KIFAP3: variants seen among roughly 807,000 people sequenced by gnomAD.
KIFAP3 encodes kinesin-associated protein 3.
A neutral mutation model predicts 106.5 loss-of-function variants in KIFAP3; 68 were observed. The observed-to-expected ratio is 0.64, with a 90% CI of 0.53 to 0.78. KIFAP3 has a LOEUF of 0.78. KIFAP3 is among the 30% of genes least tolerant of loss of function. KIFAP3 has a pLI of 0.00. For synonymous variants in KIFAP3, 320 were observed against 311.5 expected, an observed-to-expected ratio of 1.03 and a Z score of -0.29; for missense variants, 780 against 941.8, an observed-to-expected ratio of 0.83 and a Z score of 2.25.
intron 19 of KIFAP3, among the ~76,000 whole-genome samples, chr1:169,928,699 CA>C (rs10690029): frequency 3.4e-4 from 13 of 37,778 alleles, no homozygotes; most frequent in East Asian, 1.8e-3. Flanking sequence ...ACCCTGTCTC[CA>C]AAAAAAAAAA....
chr1:170,044,817 G>T (rs548141834), intron 3 of KIFAP3, among the ~76,000 whole-genome samples: 110 of 152,270 alleles, frequency 7.2e-4, no homozygotes, highest in African/African-American at 2.6e-3. Context: ...CCTGGTTTAT[G>T]AATGGCAATT....
At chr1:169,982,660 A>C (rs1290190408) in intron 14 of KIFAP3, 42 bp downstream of exon 14, 3 of 1,360,942 alleles carry the variant, frequency 2.2e-6, no homozygotes, top group Non-Finnish European at 3.0e-6. Context: ...ACAGAAAGAA[A>C]TAACTTAGTG....
At chr1:170,042,893 T>C (rs1213344584) in intron 3 of KIFAP3, among the ~76,000 whole-genome samples, 1 of 152,144 alleles carries the variant, frequency 6.6e-6, no homozygotes, top group Non-Finnish European at 1.5e-5. Context: ...AGCCTTAAGG[T>C]CCAACCCAGC....
At chr1:170,011,165 C>T (rs888680912) in intron 10 of KIFAP3, among the ~76,000 whole-genome samples, 7 of 151,932 alleles carry the variant, frequency 4.6e-5, no homozygotes, top group Admixed American at 2.6e-4. Context: ...CCATGTAAAT[C>T]ACTCCAGTTA....
chr1:169,963,865 T>A (rs1665467391), intron 17 of KIFAP3, among the ~76,000 whole-genome samples: 1 of 152,182 alleles, frequency 6.6e-6, no homozygotes, highest in Non-Finnish European at 1.5e-5. Context: ...TATTATTTTT[T>A]AAAATTAAGT....
At chr1:169,994,432 G>T (rs2101940927) in intron 10 of KIFAP3, among the ~76,000 whole-genome samples, 1 of 152,256 alleles carries the variant, frequency 6.6e-6, no homozygotes, top group South Asian at 2.1e-4. Flanking sequence ...ATATATGAGG[G>T]AATTAAACAT....
intron 3 of KIFAP3, among the ~76,000 whole-genome samples, chr1:170,045,606 A>T (rs1422683863): frequency 6.6e-6 from 1 of 152,216 alleles, no homozygotes; most frequent in African/African-American, 2.4e-5. Context: ...TTCAAAAGAA[A>T]CTATAGTATA....
At chr1:170,005,977 T>C (rs1208713985) in intron 10 of KIFAP3, among the ~76,000 whole-genome samples, 1 of 152,164 alleles carries the variant, frequency 6.6e-6, no homozygotes, top group Non-Finnish European at 1.5e-5. Context: ...CCCTCGAGTC[T>C]TTCCCTTCCT....
intron 7 of KIFAP3, among the ~76,000 whole-genome samples, chr1:170,033,320 T>C (rs1367826864): frequency 6.6e-6 from 1 of 151,774 alleles, no homozygotes. Context: ...ACAACATAGA[T>C]TAAATTGAAG....
chr1:170,030,692 T>A (rs1669355724), intron 8 of KIFAP3, among the ~76,000 whole-genome samples: 1 of 151,782 alleles, frequency 6.6e-6, no homozygotes, highest in Non-Finnish European at 1.5e-5. Context: ...CAAAAATGCA[T>A]ACATACTATA....
At chr1:170,023,547 A>G (rs1668960683) in intron 9 of KIFAP3, among the ~76,000 whole-genome samples, 1 of 152,058 alleles carries the variant, frequency 6.6e-6, no homozygotes, top group African/African-American at 2.4e-5. Flanking sequence ...AGAAATATAG[A>G]CAAATATGTA....
chr1:170,002,993 T>C (rs925801245), intron 10 of KIFAP3, among the ~76,000 whole-genome samples: 2 of 152,184 alleles, frequency 1.3e-5, no homozygotes, highest in African/African-American at 4.8e-5. Flanking sequence ...TAACCTAGGA[T>C]TAAGACTGCC....
At chr1:170,072,359 AAAGTAGT>A (rs1211483041) in intron 1 of KIFAP3, among the ~76,000 whole-genome samples, 1 of 152,228 alleles carries the variant, frequency 6.6e-6, no homozygotes, top group Non-Finnish European at 1.5e-5. Flanking sequence ...AAGGAAATAT[AAAGTAGT>A]AAGTTTAGGG....
intron 10 of KIFAP3, among the ~76,000 whole-genome samples, chr1:170,014,273 T>C (rs1668395968): frequency 1.3e-5 from 2 of 152,232 alleles, no homozygotes; most frequent in Non-Finnish European, 2.9e-5. Flanking sequence ...ACAAACTTCT[T>C]AGCAATGCTT....
At chr1:170,053,717 A>C (rs1408064296) in intron 2 of KIFAP3, among the ~76,000 whole-genome samples, 1 of 152,044 alleles carries the variant, frequency 6.6e-6, no homozygotes, top group Non-Finnish European at 1.5e-5. Flanking sequence ...ACCTTCGACA[A>C]ATCTGACAAA....
chr1:170,014,110 C>G (rs1214915313), intron 10 of KIFAP3, among the ~76,000 whole-genome samples: 4 of 152,128 alleles, frequency 2.6e-5, no homozygotes, highest in African/African-American at 9.7e-5. Context: ...TACTTCTTGT[C>G]TTGCCTATTA....
chr1:169,990,498 TG>T (rs1426899291), intron 11 of KIFAP3, among the ~76,000 whole-genome samples: 2 of 152,154 alleles, frequency 1.3e-5, no homozygotes, highest in Non-Finnish European at 2.9e-5. Flanking sequence ...GTATGTTTAT[TG>T]TATATCATAC....
At chr1:169,965,496 A>G (rs1665564680) in intron 17 of KIFAP3, among the ~76,000 whole-genome samples, 2 of 152,078 alleles carry the variant, frequency 1.3e-5, no homozygotes, top group South Asian at 4.1e-4. Flanking sequence ...TTACAGAGGT[A>G]GGTAATATTT....
chr1:169,972,081 C>T (rs1160201393), intron 17 of KIFAP3, among the ~76,000 whole-genome samples: 2 of 151,738 alleles, frequency 1.3e-5, no homozygotes, highest in Non-Finnish European at 2.9e-5. Context: ...CATTTCAAAG[C>T]AACTTAAAGG....
Sources: allele counts gnomAD v4.1 joint callset (sites outside exome capture counted in the v4.1 genomes callset), GRCh38; gene constraint gnomAD v4.1.1; transcripts MANE v1.5; gene names NCBI Gene and HGNC (gene_info 2026-07-23, HGNC 2026-07-21).